The following SOX5 variants were observed in gnomAD, a reference collection of about 807,000 sequenced individuals.
The protein encoded by SOX5 is transcription factor SOX-5.
SOX5 carries 9 observed loss-of-function variants against 92.0 expected under a neutral mutation model. That is an observed-to-expected ratio of 0.10 (90% CI 0.06 to 0.17). The LOEUF is 0.17. SOX5 is among the 10% of genes least tolerant of loss of function. The pLI, the probability that SOX5 is intolerant of heterozygous loss-of-function variation, is 1.00. For missense variants in SOX5, 642 were observed against 944.5 expected (o/e 0.68, Z 4.20); for synonymous variants, 344 against 336.3 (o/e 1.02, Z -0.25).
At chr12:24,491,323 C>G (rs1447520411) in intron 1 of SOX5, among the ~76,000 whole-genome samples, 1 of 152,108 alleles carries the variant, frequency 6.6e-6, no homozygotes, top group African/African-American at 2.4e-5. Context: ...CTGGGAAGGG[C>G]TCAAGATCCT....
At chr12:24,447,168 CA>C (rs1566186553) in intron 1 of SOX5, among the ~76,000 whole-genome samples, 1 of 152,124 alleles carries the variant, frequency 6.6e-6, no homozygotes, top group East Asian at 1.9e-4. Context: ...CCAACGAGAA[CA>C]AACAGTATGG....
At chr12:23,831,819 G>T (rs1032659334) in intron 3 of SOX5, among the ~76,000 whole-genome samples, 2 of 151,914 alleles carry the variant, frequency 1.3e-5, no homozygotes, top group Non-Finnish European at 2.9e-5. Flanking sequence ...ACAAATAAAT[G>T]CAGTTTCTCA....
At chr12:24,211,889 G>T (rs1958656813) in intron 4 of SOX5, among the ~76,000 whole-genome samples, 1 of 152,108 alleles carries the variant, frequency 6.6e-6, no homozygotes. Flanking sequence ...TCAATTTAAG[G>T]CCAATATTTA....
At chr12:23,584,066 A>T (rs1274597751) in intron 9 of SOX5, among the ~76,000 whole-genome samples, 1 of 152,150 alleles carries the variant, frequency 6.6e-6, no homozygotes, top group Non-Finnish European at 1.5e-5. Flanking sequence ...ACCTAAATGT[A>T]CAAAATGAGC....
intron 8 of SOX5, among the ~76,000 whole-genome samples, chr12:23,612,641 T>C (rs542575730): frequency 1.8e-4 from 27 of 152,278 alleles, no homozygotes; most frequent in African/African-American, 6.5e-4. Flanking sequence ...ATATTTGGAA[T>C]AGAGATTTTA....
intron 10 of SOX5, among the ~76,000 whole-genome samples, chr12:23,569,781 T>A (rs1279290244): frequency 6.6e-6 from 1 of 152,250 alleles, no homozygotes; most frequent in Non-Finnish European, 1.5e-5. Context: ...GAACTTCTCT[T>A]ACATACCCTA....
At chr12:24,434,998 T>A (rs994460200) in intron 1 of SOX5, among the ~76,000 whole-genome samples, 4 of 152,244 alleles carry the variant, frequency 2.6e-5, no homozygotes, top group Admixed American at 6.5e-5. Flanking sequence ...CGTAAAAGAA[T>A]GCCCTTTCCT....
At chr12:23,715,079 C>G (rs1287226210) in intron 6 of SOX5, among the ~76,000 whole-genome samples, 1 of 151,982 alleles carries the variant, frequency 6.6e-6, no homozygotes. Context: ...GCGGGCGGAT[C>G]ACGAGGTCAG....
At chr12:23,634,983 G>A (rs2079035031) in intron 8 of SOX5, among the ~76,000 whole-genome samples, 1 of 152,092 alleles carries the variant, frequency 6.6e-6, no homozygotes, top group South Asian at 2.1e-4. Flanking sequence ...CAAGCACTTG[G>A]TTAAGTGCAA....
At chr12:24,065,673 A>AAAAAAGAAAAAG (rs913879241) in intron 4 of SOX5, among the ~76,000 whole-genome samples, 5 of 151,304 alleles carry the variant, frequency 3.3e-5, no homozygotes, top group Admixed American at 2.6e-4. Flanking sequence ...AAAAGAAAAG[A>AAAAAAGAAAAAG]AAAAAGAAAA....
intron 2 of SOX5, among the ~76,000 whole-genome samples, chr12:23,884,000 A>G (rs1438211443): frequency 6.6e-6 from 1 of 151,720 alleles, no homozygotes; most frequent in Non-Finnish European, 1.5e-5. Flanking sequence ...AGGTTTTCTT[A>G]TAGGTTACTT....
rs888728152 is a variant in SOX5, at chr12:24,136,408, A to G, written c.-2+76935T>C. ...AGCAAGCATTGTTTTCAGACAAAGA[A>G]GGACAGTATCTTATGGTGAAAGCCG... On this transcript the variant is annotated intron_variant, in intron 4 of 4. Coordinates refer to the SOX5 transcript ENST00000446891. 2.0e-5 allele frequency among the ~76,000 whole-genome samples: 3 copies of G among 152,382 alleles called. No individual in the cohort carries two copies. In the East Asian group the frequency reaches 5.8e-4, roughly 29 times the overall value.
chr12:24,196,005 C>T (rs544136414), intron 4 of SOX5, among the ~76,000 whole-genome samples: 1 of 152,284 alleles, frequency 6.6e-6, no homozygotes, highest in Non-Finnish European at 1.5e-5. Context: ...CTGCCTCAGA[C>T]GCTGGAGTAG....
intron 3 of SOX5, among the ~76,000 whole-genome samples, chr12:24,215,835 T>C (rs1389234130): frequency 1.3e-5 from 2 of 150,772 alleles, no homozygotes; most frequent in African/African-American, 4.9e-5. Context: ...GGATGTATCC[T>C]TCCCAACTTC....
chr12:24,370,587 T>G (rs930098746), intron 1 of SOX5, among the ~76,000 whole-genome samples: 14 of 146,146 alleles, frequency 9.6e-5, no homozygotes, highest in African/African-American at 3.3e-4. Flanking sequence ...ATGCCAGGAG[T>G]GTGAGACCAG....
At chr12:24,199,045 C>A (rs539713829) in intron 4 of SOX5, among the ~76,000 whole-genome samples, 1 of 152,298 alleles carries the variant, frequency 6.6e-6, no homozygotes, top group East Asian at 1.9e-4. Flanking sequence ...GGGATGTCCC[C>A]TTTTCATCCG....
chr12:23,877,413 G>C (rs1310258364), intron 2 of SOX5, among the ~76,000 whole-genome samples: 4 of 151,998 alleles, frequency 2.6e-5, no homozygotes, highest in Admixed American at 6.6e-5. Context: ...AAAAAAAATT[G>C]TTCATGAGTC....
At chr12:23,964,747 A>G (rs567571968) in intron 4 of SOX5, among the ~76,000 whole-genome samples, 227 of 152,350 alleles carry the variant, frequency 1.5e-3, no homozygotes, top group Non-Finnish European at 2.7e-3. Context: ...ACTTTATTAG[A>G]TTATTTTAAA....
At chr12:23,699,937 C>T (rs1313283386) in intron 6 of SOX5, among the ~76,000 whole-genome samples, 1 of 152,128 alleles carries the variant, frequency 6.6e-6, no homozygotes, top group African/African-American at 2.4e-5. Context: ...TTTCTTCCCA[C>T]ACTACTGATG....
Sources: gnomAD v4.1 joint callset for allele counts (sites outside exome capture counted in the v4.1 genomes callset) on GRCh38, gnomAD v4.1.1 for gene constraint, MANE v1.5 for transcripts, NCBI Gene and HGNC (gene_info 2026-07-23, HGNC 2026-07-21) for gene names.